RTN4: variants seen among roughly 807,000 people sequenced by gnomAD.
RTN4 encodes reticulon 4, also known as reticulon-4.
A neutral mutation model predicts 90.4 loss-of-function variants in RTN4; 32 were observed. That is an observed-to-expected ratio of 0.35 (90% CI 0.27 to 0.48). The LOEUF (loss-of-function observed/expected upper bound fraction) is 0.48, where lower values mean the gene tolerates loss of function less well. RTN4 is among the 20% of genes least tolerant of loss of function. The pLI is 0.99. For synonymous variants in RTN4, 629 were observed against 552.5 expected (o/e 1.14, Z -1.94); for missense variants, 1,706 against 1,430.2 (o/e 1.19, Z -3.11).
chr2:54,973,947 G>T (rs963151016), intron 6 of RTN4, 80 bp from the exon 7 acceptor site: 4 of 1,233,686 alleles, frequency 3.2e-6, no homozygotes, highest in Non-Finnish European at 4.7e-6. Flanking sequence ...TATTAAACTG[G>T]CAACTCAAGA....
Position 55,049,969 on chromosome 2 carries a change from C to T in RTN4, c.332G>A (p.Ser111Asn). The T allele has an allele frequency of 1.5e-6, 2 of 1,369,066 alleles. No individual in the cohort carries two copies. Among genetic ancestry groups the T allele is most frequent in the Middle Eastern group, 2.5e-4 (1 of 3,934 alleles). The allele number at this position is 1,369,066 out of a possible 1,614,324, so 84.8% of individuals were successfully genotyped here. Residue 111 changes from serine to asparagine, a missense_variant, in exon 1 of 9, where the codon AGC (serine) becomes AAC (asparagine). Ser to Asn is a conservative substitution (Grantham distance 46, BLOSUM62 1). Coordinates refer to ENST00000337526, the MANE Select transcript of RTN4 (RefSeq NM_020532.5). ...APERQPSWDPSPVSSTVPAPS... is the reference protein window; with the variant it reads ...APERQPSWDPNPVSSTVPAPS... ...CGCGGGCACGGTCGACGACACCGGG[C>T]TCGGGTCCCAAGACGGCTGCCGCTC...
intron 2 of RTN4, among the ~76,000 whole-genome samples, chr2:55,072,811 T>C (rs1425845764): frequency 6.6e-6 from 1 of 152,224 alleles, no homozygotes; most frequent in Non-Finnish European, 1.5e-5. Flanking sequence ...TCACAACTAT[T>C]ACTGTTTTCT....
rs377016073 is a variant in RTN4 at position 54,973,116 on chromosome 2, C to T, written c.*40G>A. 8 of 1,544,782 alleles carry T rather than the reference C, an allele frequency of 5.2e-6. No individual in the cohort carries two copies. In the African/African-American group the frequency reaches 8.1e-5, roughly 16 times the overall value. ...TCCCCCGTATAATCAAATGAATATCCCCTTTAAAGATGAACTCCTACTAAT... is the reference window on the plus strand; with the variant it reads ...TCCCCCGTATAATCAAATGAATATCTCCTTTAAAGATGAACTCCTACTAAT... On this transcript the variant is annotated 3_prime_UTR_variant, in exon 9 of 9. Coordinates refer to ENST00000337526, the MANE Select transcript of RTN4 (RefSeq NM_020532.5).
chr2:54,994,380 C>A (rs767682607), intron 3 of RTN4, among the ~76,000 whole-genome samples: 5 of 152,130 alleles, frequency 3.3e-5, no homozygotes, highest in Non-Finnish European at 7.4e-5. Context: ...GATTATACAC[C>A]ATGGCCAAGT....
At chr2:54,992,706 G>A (rs1332565213) in intron 3 of RTN4, among the ~76,000 whole-genome samples, 1 of 152,134 alleles carries the variant, frequency 6.6e-6, no homozygotes, top group African/African-American at 2.4e-5. Flanking sequence ...CATTATCACA[G>A]AAACATGTCC....
chr2:55,083,575 G>A (rs759876063), intron 1 of RTN4, among the ~76,000 whole-genome samples: 15 of 151,932 alleles, frequency 9.9e-5, no homozygotes, highest in East Asian at 3.9e-4. Flanking sequence ...ACACACACAC[G>A]TACTAGAATA....
intron 1 of RTN4, among the ~76,000 whole-genome samples, chr2:55,043,345 GAA>G (rs1326702868): frequency 1.3e-5 from 2 of 152,142 alleles, no homozygotes; most frequent in Non-Finnish European, 2.9e-5. Context: ...GAAGAATCAA[GAA>G]ATAGCCATTC....
Position 55,049,785 on chromosome 2 carries a change from G to C in RTN4, c.516C>G (p.Thr172=), listed in dbSNP as rs1667994654. 1 of 1,319,940 alleles carries C rather than the reference G, an allele frequency of 7.6e-7. No homozygotes were observed. The allele number at this position is 1,319,940 out of a possible 1,614,324, so 81.8% of individuals were successfully genotyped here. ...PAPAPAAPPS[T]PAAPKRRGSS... Reference sequence around the variant, plus strand: ...AGCCCCTGCGCTTGGGCGCGGCCGGGGTGGAGGGGGGCGCGGCGGGAGCCG... The same window carrying C: ...AGCCCCTGCGCTTGGGCGCGGCCGGCGTGGAGGGGGGCGCGGCGGGAGCCG... The change falls in exon 1 of 9, where the codon ACC becomes ACG. Residue 172 remains threonine (T), a synonymous_variant. Transcript: ENST00000337526.
In RTN4 at chr2:54,972,858, T is replaced by G; in HGVS notation, c.*298A>C. Reference sequence around the variant, plus strand: ...CTTGCCAAGATGCGGCAAGACTATCTGCAACAAAGTAAAATATACAGGTTT... The same window carrying G: ...CTTGCCAAGATGCGGCAAGACTATCGGCAACAAAGTAAAATATACAGGTTT... On this transcript the variant is annotated 3_prime_UTR_variant, in exon 9 of 9. Coordinates refer to ENST00000337526, the MANE Select transcript of RTN4 (RefSeq NM_020532.5). The G allele has an allele frequency of 3.6e-6, 1 of 274,196 alleles. No homozygotes were observed. Among genetic ancestry groups the G allele is most frequent in the Non-Finnish European group, 6.8e-6 (1 of 147,870 alleles). The allele number at this position is 274,196 out of a possible 1,614,324, so 17.0% of individuals were successfully genotyped here. A position where few individuals can be genotyped will look rare whatever the true frequency, so the allele number is the denominator to read the frequency against.
At chr2:54,979,675 C>T (rs1374773149) in intron 5 of RTN4, among the ~76,000 whole-genome samples, 4 of 152,198 alleles carry the variant, frequency 2.6e-5, no homozygotes, top group Admixed American at 6.5e-5. Flanking sequence ...CTTTCATGTA[C>T]ATTATCAGAG....
chr2:54,999,878 G>A (rs1003931980), intron 3 of RTN4, among the ~76,000 whole-genome samples: 1 of 152,130 alleles, frequency 6.6e-6, no homozygotes, highest in African/African-American at 2.4e-5. Flanking sequence ...GATCTGTGCA[G>A]AGTTTAGCTC....
intron 3 of RTN4, among the ~76,000 whole-genome samples, chr2:55,012,529 T>C (rs1680719691): frequency 6.6e-6 from 1 of 152,180 alleles, no homozygotes; most frequent in African/African-American, 2.4e-5. Context: ...TCTGAAAAAC[T>C]GATATGACAC....
At chr2:55,007,063 T>G (rs1194750028) in intron 3 of RTN4, among the ~76,000 whole-genome samples, 3 of 152,156 alleles carry the variant, frequency 2.0e-5, no homozygotes, top group Non-Finnish European at 4.4e-5. Flanking sequence ...AAACTCAACT[T>G]GGCATCTTTT....
At chr2:54,973,383 CATAAT>C (rs1677300425) in intron 8 of RTN4, 175 bp downstream of exon 8, 4 of 754,636 alleles carry the variant, frequency 5.3e-6, no homozygotes, top group African/African-American at 3.5e-5. Context: ...GCCTTAAACA[CATAAT>C]AAACCCAGAA....
At chr2:55,091,534 A>G (rs541453587) in intron 1 of RTN4, among the ~76,000 whole-genome samples, 1 of 152,228 alleles carries the variant, frequency 6.6e-6, no homozygotes, top group South Asian at 2.1e-4. Flanking sequence ...TCCTCATTAG[A>G]ATGTAAGCTC....
At chr2:55,013,194 T>C (rs1680770655) in intron 3 of RTN4, among the ~76,000 whole-genome samples, 1 of 152,156 alleles carries the variant, frequency 6.6e-6, no homozygotes, top group Non-Finnish European at 1.5e-5. Flanking sequence ...TGTGTGTTTG[T>C]GGAGGGGAGA....
chr2:55,113,482 T>C (rs932041544), upstream of RTN4, among the ~76,000 whole-genome samples: 12 of 152,350 alleles, frequency 7.9e-5, no homozygotes, highest in East Asian at 2.3e-3. Context: ...AGCTTCTGTC[T>C]GTCTCTCTGA....
rs759360872 is a variant in RTN4, at chr2:55,050,175, CTCTTCCTCCTCCTCT to C, written c.111_125del (p.Glu39_Glu43del). ...CCTCCAGGTCTTCGTCCTCGTCCTC[CTCTTCCTCCTCCTCT>C]TCTTCCTCCTCGTCCTCGGGCTCCC... On this transcript the variant is annotated inframe_deletion, in exon 1 of 9. Transcript: ENST00000337526. The surrounding 1 kb of genome is among the most constrained non-coding windows in gnomAD (Gnocchi z 4.6). 8.3e-6 allele frequency: 13 copies of C among 1,568,622 alleles called. No homozygotes were observed. Among genetic ancestry groups the C allele is most frequent in the Non-Finnish European group, 1.1e-5 (13 of 1,163,468 alleles).
upstream of RTN4, among the ~76,000 whole-genome samples, chr2:55,116,827 C>G (rs1668133790): frequency 6.6e-6 from 1 of 151,998 alleles, no homozygotes; most frequent in African/African-American, 2.4e-5. Flanking sequence ...TCGACACTTC[C>G]CAGAACTCTC....
Sources: allele counts gnomAD v4.1 joint callset (sites outside exome capture counted in the v4.1 genomes callset), GRCh38; gene constraint gnomAD v4.1.1; non-coding constraint Gnocchi (gnomAD v3.1); transcripts MANE v1.5; gene names NCBI Gene and HGNC (gene_info 2026-07-23, HGNC 2026-07-21).